The following UBTD2 variants were observed in gnomAD, a reference collection of about 807,000 sequenced individuals.
UBTD2 encodes the protein ubiquitin domain containing 2, also known as ubiquitin domain-containing protein 2.
A neutral mutation model predicts 19.8 loss-of-function variants in UBTD2; 9 were observed. That is an observed-to-expected ratio of 0.46 (90% confidence interval 0.27 to 0.79). The LOEUF (loss-of-function observed/expected upper bound fraction) is 0.79. Ranked by LOEUF, UBTD2 falls within the 30% of genes least tolerant of loss-of-function variation. The pLI, the probability that UBTD2 is intolerant of heterozygous loss-of-function variation, is 0.14. For synonymous variants in UBTD2, 98 were observed against 103.9 expected (o/e 0.94, Z 0.35); for missense variants, 250 against 300.4 (o/e 0.83, Z 1.24).
intron 2 of UBTD2, among the ~76,000 whole-genome samples, chr5:172,228,858 C>G (rs530543842): frequency 6.6e-6 from 1 of 151,914 alleles, no homozygotes; most frequent in Non-Finnish European, 1.5e-5. Context: ...TTTGTAAGTG[C>G]CTTTGTTTTT....
At chr5:172,223,330 C>T (rs974976131) in intron 2 of UBTD2, among the ~76,000 whole-genome samples, 1 of 151,902 alleles carries the variant, frequency 6.6e-6, no homozygotes, top group African/African-American at 2.4e-5. Flanking sequence ...CTTGGCCAGG[C>T]ATGGTGGCTC....
In UBTD2 at chr5:172,249,226, C is replaced by A. The variant is rs139358915; in HGVS notation, c.71-14868G>T. Among the ~76,000 whole-genome samples the A allele has an allele frequency of 5.3e-3, 805 of 151,026 alleles. 8 individuals are homozygous for A. Among genetic ancestry groups the A allele is most frequent in the African/African-American group, 0.018 (753 of 41,150 alleles). On this transcript the variant is annotated intron_variant, in intron 1 of 2. Transcript: ENST00000393792. ...CAACTTGGCCAACATGGTGAAACCC[C>A]ATCTCTACTAAAAATACAAAAAATT...
chr5:172,217,690 T>C (rs535927502), intron 2 of UBTD2, among the ~76,000 whole-genome samples: 1 of 152,180 alleles, frequency 6.6e-6, no homozygotes, highest in South Asian at 2.1e-4. Flanking sequence ...TTTTGCCATG[T>C]TCATGTTGTC....
At chr5:172,244,034 T>C (rs182484169) in intron 1 of UBTD2, among the ~76,000 whole-genome samples, 9 of 152,200 alleles carry the variant, frequency 5.9e-5, no homozygotes, top group East Asian at 1.9e-4. Context: ...GAAGGAAACA[T>C]TGATCTAGTT....
At chr5:172,258,178 T>C (rs776485856) in intron 1 of UBTD2, among the ~76,000 whole-genome samples, 2 of 152,226 alleles carry the variant, frequency 1.3e-5, no homozygotes, top group Non-Finnish European at 2.9e-5. Flanking sequence ...CTTTTGTAGA[T>C]GGCGAAAAGA....
At chr5:172,231,148 GC>G (rs1309315304) in intron 2 of UBTD2, among the ~76,000 whole-genome samples, 3 of 152,174 alleles carry the variant, frequency 2.0e-5, no homozygotes. Flanking sequence ...ATACCACTAA[GC>G]CAGTCTAGGT....
At chr5:172,225,800 C>T (rs1384375313) in intron 2 of UBTD2, among the ~76,000 whole-genome samples, 1 of 152,128 alleles carries the variant, frequency 6.6e-6, no homozygotes, top group Non-Finnish European at 1.5e-5. Flanking sequence ...GAAAACCATC[C>T]TCCCAAAATG....
At chr5:172,265,188 A>C (rs1282407500) in intron 1 of UBTD2, among the ~76,000 whole-genome samples, 1 of 152,240 alleles carries the variant, frequency 6.6e-6, no homozygotes, top group Non-Finnish European at 1.5e-5. Context: ...AAATTAGATC[A>C]CTGCCTCCTT....
chr5:172,224,561 G>T (rs900178225), intron 2 of UBTD2, among the ~76,000 whole-genome samples: 1 of 152,076 alleles, frequency 6.6e-6, no homozygotes, highest in African/African-American at 2.4e-5. Context: ...AAAGTGCTGG[G>T]ATTACAGGCA....
At chr5:172,245,611 C>T (rs193266313) in intron 1 of UBTD2, among the ~76,000 whole-genome samples, 7 of 151,938 alleles carry the variant, frequency 4.6e-5, no homozygotes, top group Non-Finnish European at 8.8e-5. Context: ...ACTTGGGTAG[C>T]TGAGGCAGGA....
At chr5:172,247,013 C>G (rs549772806) in intron 1 of UBTD2, among the ~76,000 whole-genome samples, 1 of 151,880 alleles carries the variant, frequency 6.6e-6, no homozygotes, top group Non-Finnish European at 1.5e-5. Context: ...CTCAGCCTCC[C>G]AAAGTGCTGG....
chr5:172,245,343 A>G (rs962306808), intron 1 of UBTD2, among the ~76,000 whole-genome samples: 1 of 152,174 alleles, frequency 6.6e-6, no homozygotes, highest in Non-Finnish European at 1.5e-5. Flanking sequence ...AGAAACAGCT[A>G]AAGAAGAGAA....
chr5:172,242,218 C>G (rs951650547), intron 1 of UBTD2, among the ~76,000 whole-genome samples: 5 of 152,222 alleles, frequency 3.3e-5, no homozygotes, highest in African/African-American at 1.2e-4. Context: ...AAATAAAACT[C>G]TTTTCTTTAT....
At position 172,212,010 on chromosome 5, in the gene UBTD2, G is replaced by A; in HGVS notation, c.525C>T (p.Phe175=). 1 of 1,614,230 alleles carries A rather than the reference G, an allele frequency of 6.2e-7. No homozygotes were observed. Among genetic ancestry groups the A allele is most frequent in the East Asian group, 2.2e-5 (1 of 44,892 alleles). The change falls in exon 3 of 3, where the codon TTC becomes TTT. Residue 175 remains phenylalanine, a synonymous_variant. Transcript: ENST00000393792. The stretch of plus-strand genomic sequence containing the variant: ...CTGCATGCAACCGTCTCTTCATGTG[G>A]AATACTGTGTCTGTGCTGCGAACCA... ...KLVVRSTDTV[F]HMKRRLHAAE...
At chr5:172,232,712 CAAAACAAA>C (rs1581215939) in intron 2 of UBTD2, among the ~76,000 whole-genome samples, 4 of 151,720 alleles carry the variant, frequency 2.6e-5, no homozygotes, top group Middle Eastern at 3.4e-3. Flanking sequence ...CAAAACAAAA[CAAAACAAA>C]AAAACAAAAA....
chr5:172,283,531 G>A lies in UBTD2; in HGVS notation c.70+65C>T. The A allele has an allele frequency of 1.6e-6, 2 of 1,225,538 alleles. No homozygotes were observed. The highest frequency in any genetic ancestry group is 6.4e-5 in the East Asian group (2 of 31,176). The allele number at this position is 1,225,538 out of a possible 1,614,324, so 75.9% of individuals were successfully genotyped here. ...GGCCCGGCGCGGCCCGCGGGGGTCG[G>A]GACAGGTGGCCGGGCCTGGCCGGGA... On this transcript the variant is annotated intron_variant, in intron 1 of 2. Transcript: ENST00000393792. The surrounding 1 kb of genome is among the most constrained non-coding windows in gnomAD (Gnocchi z 4.3).
chr5:172,259,376 C>G (rs1362155872), intron 1 of UBTD2, among the ~76,000 whole-genome samples: 42 of 152,048 alleles, frequency 2.8e-4, no homozygotes, highest in Non-Finnish European at 1.2e-4. Context: ...CTCCTGACCT[C>G]ATGATCTGCC....
At chr5:172,254,654 TCC>T (rs916828292) in intron 1 of UBTD2, 1 of 597,722 alleles carries the variant, frequency 1.7e-6, no homozygotes, top group African/African-American at 2.0e-5. Context: ...ACTTCGAGTA[TCC>T]GGGGATTCCA....
chr5:172,255,483 GGT>G (rs1312691400), intron 1 of UBTD2: 2 of 367,838 alleles, frequency 5.4e-6, no homozygotes, highest in Non-Finnish European at 1.1e-5. Context: ...TGAGAGGTGT[GGT>G]TAGGGACGCC....
Sources: gnomAD v4.1 joint callset for allele counts (sites outside exome capture counted in the v4.1 genomes callset) on GRCh38, gnomAD v4.1.1 for gene constraint, Gnocchi (gnomAD v3.1) non-coding constraint, MANE v1.5 for transcripts, NCBI Gene and HGNC (gene_info 2026-07-23, HGNC 2026-07-21) for gene names.